The following RAP2A variants were observed in gnomAD, a reference collection of about 807,000 sequenced individuals.
The protein encoded by RAP2A is ras-related protein Rap-2a.
In RAP2A, 5 loss-of-function variants were observed where a neutral mutation model predicts 15.1. The ratio of observed to expected loss-of-function variants is 0.33; its 90% CI spans 0.17 to 0.70. The LOEUF is 0.70. RAP2A is among the 30% of genes least tolerant of loss of function. The pLI, the probability that RAP2A is intolerant of heterozygous loss-of-function variation, is 0.68. For synonymous variants in RAP2A, 110 were observed against 99.7 expected, an observed-to-expected ratio of 1.10 and a Z score of -0.62; for missense variants, 111 against 240.3, an observed-to-expected ratio of 0.46 and a Z score of 3.56.
intron 1 of RAP2A, among the ~76,000 whole-genome samples, chr13:97,450,625 C>A (rs757911028): frequency 1.3e-5 from 2 of 151,750 alleles, no homozygotes; most frequent in Non-Finnish European, 2.9e-5. Context: ...CCACTTTCGT[C>A]CACCTTATTT....
At position 97,434,311 on chromosome 13, in the gene RAP2A, C is replaced by T; in HGVS notation, c.-160C>T. On this transcript the variant is annotated 5_prime_UTR_variant, in exon 1 of 2. Transcript: ENST00000245304. ...CCAGGGCCGCTGCTCCCTCAGTTGC[C>T]GCCGCCGCCGCCGGCGCCCAGGGGG... is the stretch of plus-strand genomic sequence containing the variant. 1 of 322,640 alleles carries T rather than the reference C, an allele frequency of 3.1e-6. No individual in the cohort carries two copies. Among genetic ancestry groups the T allele is most frequent in the Non-Finnish European group, 4.4e-6 (1 of 228,656 alleles). 20.0% of individuals were successfully genotyped at this position (322,640 alleles called of 1,614,324 possible). A position where few individuals can be genotyped will look rare whatever the true frequency, so the allele number is the denominator to read the frequency against.
intron 1 of RAP2A, among the ~76,000 whole-genome samples, chr13:97,435,424 TTTTG>T (rs1413772094): frequency 1.4e-5 from 2 of 147,626 alleles, no homozygotes; most frequent in East Asian, 3.9e-4. Context: ...AACTGTTTGT[TTTTG>T]TTTTTTTGTT....
intron 1 of RAP2A, chr13:97,441,837 G>A (rs1277786480): frequency 1.6e-5 from 7 of 434,158 alleles, no homozygotes; most frequent in Non-Finnish European, 1.4e-5. Flanking sequence ...AATACGAGCA[G>A]ACTTTCAAAC....
intron 1 of RAP2A, among the ~76,000 whole-genome samples, chr13:97,456,353 T>C (rs1225747498): frequency 1.3e-5 from 2 of 148,838 alleles, no homozygotes; most frequent in Non-Finnish European, 3.0e-5. Flanking sequence ...TTCCACAAAC[T>C]GCTTTTTTCT....
intron 1 of RAP2A, among the ~76,000 whole-genome samples, chr13:97,448,094 G>C (rs966101939): frequency 1.3e-5 from 2 of 151,800 alleles, no homozygotes; most frequent in African/African-American, 4.8e-5. Context: ...AACAGAATAA[G>C]GAAAGCTACT....
chr13:97,434,927 T>C, intron 1 of RAP2A, 143 bp downstream of exon 1: 3 of 1,236,734 alleles, frequency 2.4e-6, no homozygotes, highest in Non-Finnish European at 3.3e-6. Context: ...ATTCTGCTCC[T>C]CCTCCTCAAT....
At chr13:97,434,912 T>C in intron 1 of RAP2A, 128 bp downstream of exon 1, 1 of 1,319,734 alleles carries the variant, frequency 7.6e-7, no homozygotes, top group African/African-American at 1.5e-5. Context: ...GGCTTTACTA[T>C]TGTCATTCTG....
At position 97,465,849 on chromosome 13, in the gene RAP2A, T is replaced by C. The variant is rs1418506368; in HGVS notation, c.*1407T>C. ...AGCTAACTTAGTTATACATAAATGC[T>C]GAAAAGATTATCTTGAGCTGGGCCT... On this transcript the variant is annotated 3_prime_UTR_variant, in exon 2 of 2. Coordinates refer to ENST00000245304, the MANE Select transcript of RAP2A (RefSeq NM_021033.7). The C allele has an allele frequency of 6.6e-6, 1 of 152,218 alleles. No individual in the cohort carries two copies. The highest frequency in any genetic ancestry group is 2.4e-5 in the African/African-American group (1 of 41,460). The allele number at this position is 152,218 out of a possible 1,614,324, so 9.4% of individuals were successfully genotyped here.
chr13:97,452,650 G>GCACACACACA (rs34107608), intron 1 of RAP2A, among the ~76,000 whole-genome samples: 37 of 148,180 alleles, frequency 2.5e-4, no homozygotes, highest in Non-Finnish European at 4.2e-4. Context: ...ACACACACAC[G>GCACACACACA]CACACACACA....
intron 1 of RAP2A, among the ~76,000 whole-genome samples, chr13:97,452,193 A>C (rs1438372344): frequency 1.3e-5 from 2 of 151,098 alleles, no homozygotes; most frequent in African/African-American, 4.9e-5. Flanking sequence ...TGTTTAATAT[A>C]TCTTTTTCTA....
chr13:97,461,971 AATATAT>A lies in RAP2A; in HGVS notation c.315-2221_315-2216del, dbSNP rs889537682. 7.0e-5 allele frequency among the ~76,000 whole-genome samples: 10 copies of A among 142,054 alleles called. No individual in the cohort carries two copies. In the East Asian group the frequency reaches 1.4e-3, roughly 20 times the overall value. 93.2% of individuals were successfully genotyped at this position (142,054 alleles called of 152,430 possible). ...GAGCGAGACTCCGTCTCAAAAAAAA[AATATAT>A]ATATATATATATTTATATATTTATA... is the stretch of plus-strand genomic sequence containing the variant. On this transcript the variant is annotated intron_variant, in intron 1 of 1. Transcript: ENST00000245304.
chr13:97,455,737 A>C (rs1388310238), intron 1 of RAP2A, among the ~76,000 whole-genome samples: 9 of 151,598 alleles, frequency 5.9e-5, no homozygotes, highest in Non-Finnish European at 1.2e-4. Context: ...ACTCATACAC[A>C]GCTCATATTA....
At chr13:97,458,133 G>GT (rs1026137805) in intron 1 of RAP2A, among the ~76,000 whole-genome samples, 2 of 152,130 alleles carry the variant, frequency 1.3e-5, no homozygotes, top group African/African-American at 4.8e-5. Flanking sequence ...TATCATGGAA[G>GT]TAATTGAAGC....
chr13:97,457,157 G>GT (rs2066726343), intron 1 of RAP2A, among the ~76,000 whole-genome samples: 1 of 152,000 alleles, frequency 6.6e-6, no homozygotes, highest in African/African-American at 2.4e-5. Context: ...GTGTGTCTGT[G>GT]TTTACATGGC....
intron 1 of RAP2A, among the ~76,000 whole-genome samples, chr13:97,455,939 T>A (rs2066720889): frequency 6.6e-6 from 1 of 151,334 alleles, no homozygotes. Context: ...GTCATCCTTC[T>A]GGTAAAATGG....
chr13:97,435,465 CAAAAAAAAAAAAA>C (rs35791914), intron 1 of RAP2A, among the ~76,000 whole-genome samples: 1 of 63,652 alleles, frequency 1.6e-5, no homozygotes, highest in Middle Eastern at 9.6e-3. Flanking sequence ...TAACCCCTTC[CAAAAAAAAAAAAA>C]AAAAAAAAAC....
intron 1 of RAP2A, among the ~76,000 whole-genome samples, chr13:97,440,063 T>C (rs2153179116): frequency 6.6e-6 from 1 of 152,208 alleles, no homozygotes; most frequent in East Asian, 1.9e-4. Flanking sequence ...CCCATGACAG[T>C]TTGGTGCTGG....
At chr13:97,457,558 G>A (rs1168403929) in intron 1 of RAP2A, among the ~76,000 whole-genome samples, 1 of 151,822 alleles carries the variant, frequency 6.6e-6, no homozygotes, top group African/African-American at 2.4e-5. Flanking sequence ...TTAAATTATG[G>A]CACAGTTATA....
intron 1 of RAP2A, among the ~76,000 whole-genome samples, chr13:97,441,101 G>C (rs1296779752): frequency 1.3e-5 from 2 of 152,076 alleles, no homozygotes; most frequent in Non-Finnish European, 2.9e-5. Context: ...GCTCAATTTG[G>C]AGTTGGAGGA....
Sources: gnomAD v4.1 joint callset for allele counts (sites outside exome capture counted in the v4.1 genomes callset) on GRCh38, gnomAD v4.1.1 for gene constraint, MANE v1.5 for transcripts, NCBI Gene and HGNC (gene_info 2026-07-23, HGNC 2026-07-21) for gene names.